The following RPS6KA3 variants were observed in gnomAD, a reference collection of about 807,000 sequenced individuals.
RPS6KA3 encodes the protein ribosomal protein S6 kinase A3, also known as ribosomal protein S6 kinase alpha-3.
RPS6KA3 carries 4 observed loss-of-function variants against 67.2 expected under a neutral mutation model. The observed-to-expected ratio is 0.06, with a 90% CI of 0.03 to 0.14. The LOEUF (loss-of-function observed/expected upper bound fraction) is 0.14. RPS6KA3 is among the 10% of genes least tolerant of loss of function. The pLI is 1.00. For missense variants in RPS6KA3, 204 were observed against 559.0 expected (o/e 0.36, Z 6.40); for synonymous variants, 182 against 183.7 (o/e 0.99, Z 0.07).
intron 17 of RPS6KA3, among the ~76,000 whole-genome samples, chrX:20,165,473 G>C (rs1364822419): frequency 2.7e-5 from 3 of 111,474 alleles, no homozygotes; most frequent in Non-Finnish European, 3.8e-5. Flanking sequence ...ACAGTTCTGG[G>C]GGAAGCAGAG....
Position 20,205,482 on chromosome X carries a change from A to G in RPS6KA3, c.244-1379T>C, listed in dbSNP as rs193220702. On this transcript the variant is annotated intron_variant, in intron 3 of 21. Coordinates refer to ENST00000379565, the MANE Select transcript of RPS6KA3 (RefSeq NM_004586.3). The stretch of plus-strand genomic sequence containing the variant: ...TCACTTTGAGAAATTGTGCCAAGTC[A>G]ATGGGCAAGATCCCAAATCAAGTGA... Among the ~76,000 whole-genome samples the G allele has an allele frequency of 2.5e-3, 277 of 112,601 alleles. 2 individuals carry two copies. Among genetic ancestry groups the G allele is most frequent in the African/African-American group, 8.5e-3 (262 of 30,988 alleles).
chrX:20,236,521 T>C (rs1015423810), intron 1 of RPS6KA3, among the ~76,000 whole-genome samples: 1 of 110,164 alleles, frequency 9.1e-6, no homozygotes, highest in Non-Finnish European at 1.9e-5. Flanking sequence ...TTACCATCCA[T>C]CCATTCATTC....
intron 17 of RPS6KA3, among the ~76,000 whole-genome samples, chrX:20,166,612 T>G (rs998555958): frequency 9.0e-6 from 1 of 110,613 alleles, no homozygotes. Context: ...TAAAAAATTG[T>G]TTATTTTCCC....
chrX:20,217,809 A>G (rs1311764471), intron 2 of RPS6KA3, among the ~76,000 whole-genome samples: 1 of 112,282 alleles, frequency 8.9e-6, no homozygotes, highest in Non-Finnish European at 1.9e-5. Context: ...TAGATGATCA[A>G]GATACATAAA....
rs935116919 is a variant in RPS6KA3 at position 20,150,772 on chromosome X, T to C, written c.*4626A>G. 2.7e-5 allele frequency: 3 copies of C among 112,367 alleles called. No individual in the cohort carries two copies. The highest frequency in any genetic ancestry group is 6.5e-5 in the African/African-American group (2 of 30,853). 9.3% of individuals were successfully genotyped at this position (112,367 alleles called of 1,213,427 possible). On this transcript the variant is annotated 3_prime_UTR_variant, in exon 22 of 22. Coordinates refer to ENST00000379565, the MANE Select transcript of RPS6KA3 (RefSeq NM_004586.3). ...ACGTTTACATATACTCTACTCATGG[T>C]ATGTGCTCTAAGGAGGTTTTATTGA...
At position 20,172,831 on chromosome X, in the gene RPS6KA3, T is replaced by C; in HGVS notation, c.1268A>G (p.Glu423Gly). 1 of 1,197,434 alleles carries C rather than the reference T, an allele frequency of 8.4e-7. No homozygotes were observed. The highest frequency in any genetic ancestry group is 1.8e-5 in the South Asian group (1 of 56,577). Residue 423 changes from glutamate to glycine, a missense_variant, in exon 15 of 22, where the codon GAA becomes GGA. Coordinates refer to ENST00000379565, the MANE Select transcript of RPS6KA3 (RefSeq NM_004586.3). ...RNSIQFTDGY[E>G]VKEDIGVGSY... ...GCCAACTCCAATATCTTCTTTTACT[T>C]CATATCCATCAGTAAACTGAATACT... is the stretch of plus-strand genomic sequence containing the variant.
chrX:20,232,359 G>C (rs1461540463), intron 2 of RPS6KA3, among the ~76,000 whole-genome samples: 2 of 112,097 alleles, frequency 1.8e-5, no homozygotes, highest in Non-Finnish European at 3.8e-5. Flanking sequence ...CAGATCACAA[G>C]ATCAGGAGTT....
intron 1 of RPS6KA3, among the ~76,000 whole-genome samples, chrX:20,236,919 C>T (rs1259421427): frequency 9.0e-6 from 1 of 111,656 alleles, no homozygotes; most frequent in Non-Finnish European, 1.9e-5. Context: ...CTCCTAACAA[C>T]TGCGGCTCTG....
rs1268968015 is a variant in RPS6KA3 at position 20,156,286 on chromosome X, G to GT, written c.1960-38dup. The stretch of plus-strand genomic sequence containing the variant: ...ATAATAAAACAAGCTTAAACCTTTT[G>GT]TTTTGCTTCTTTTTCTATGGCTCTT... On this transcript the variant is annotated intron_variant, in intron 20 of 21. Transcript: ENST00000379565. 3.4e-6 allele frequency: 4 copies of GT among 1,187,421 alleles called. No homozygotes were observed. In the South Asian group the frequency reaches 7.1e-5, roughly 21 times the overall value.
At chrX:20,192,728 G>A (rs1364747011) in intron 7 of RPS6KA3, among the ~76,000 whole-genome samples, 1 of 105,702 alleles carries the variant, frequency 9.5e-6, no homozygotes, top group African/African-American at 3.5e-5. Flanking sequence ...AGCCTCCTGA[G>A]TAGTCGGGAC....
At chrX:20,192,736 G>T (rs940510099) in intron 7 of RPS6KA3, among the ~76,000 whole-genome samples, 1 of 107,540 alleles carries the variant, frequency 9.3e-6, no homozygotes, top group Non-Finnish European at 1.9e-5. Flanking sequence ...GAGTAGTCGG[G>T]ACTACAGGCA....
chrX:20,248,781 C>T (rs1487521638), intron 1 of RPS6KA3, among the ~76,000 whole-genome samples: 1 of 112,400 alleles, frequency 8.9e-6, no homozygotes, highest in African/African-American at 3.2e-5. Context: ...GTGGTAACAT[C>T]TTATATCACT....
At chrX:20,256,172 C>CAAAAAAAAAAAAAAAAAAA (rs35947983) in intron 1 of RPS6KA3, among the ~76,000 whole-genome samples, 1 of 14,465 alleles carries the variant, frequency 6.9e-5, no homozygotes, top group African/African-American at 2.3e-4. Flanking sequence ...GACACCGTCT[C>CAAAAAAAAAAAAAAAAAAA]AAAAAAAAAA....
intron 2 of RPS6KA3, among the ~76,000 whole-genome samples, chrX:20,223,153 T>C (rs1054734371): frequency 8.9e-6 from 1 of 111,980 alleles, no homozygotes; most frequent in Non-Finnish European, 1.9e-5. Flanking sequence ...ATTGTTTTAG[T>C]ATAATTCTAT....
chrX:20,266,607 G>T lies in RPS6KA3; in HGVS notation c.26C>A (p.Pro9Gln). The T allele has an allele frequency of 1.7e-6, 2 of 1,148,483 alleles. No homozygotes were observed. The highest frequency in any genetic ancestry group is 2.3e-6 in the Non-Finnish European group (2 of 866,982). The allele number at this position is 1,148,483 out of a possible 1,213,427, so 94.6% of individuals were successfully genotyped here. Reference protein sequence around the residue: MPLAQLADPWQKMAVESPS... With the variant: MPLAQLADQWQKMAVESPS... ...GCTCTCCACAGCCATCTTCTGCCACGGGTCCGCCAGCTGCGCCAGCGGCAT... is the reference window on the plus strand; with the variant it reads ...GCTCTCCACAGCCATCTTCTGCCACTGGTCCGCCAGCTGCGCCAGCGGCAT... The change falls in exon 1 of 22, where the codon CCG (proline) becomes CAG (glutamine). Residue 9 changes from proline (P) to glutamine (Q), a missense_variant. Physicochemically the swap from Pro to Gln is moderately conservative, Grantham distance 76. This residue lies in a region of RPS6KA3 where 31 missense variants were observed against 42.5 expected (regional missense o/e 0.73). Coordinates refer to ENST00000379565, the MANE Select transcript of RPS6KA3 (RefSeq NM_004586.3).
intron 18 of RPS6KA3, among the ~76,000 whole-genome samples, chrX:20,164,265 T>C (rs2067377331): frequency 9.0e-6 from 1 of 111,378 alleles, no homozygotes; most frequent in South Asian, 3.8e-4. Flanking sequence ...GGCCTGCTTA[T>C]ATTGGACCTA....
intron 1 of RPS6KA3, among the ~76,000 whole-genome samples, chrX:20,236,407 C>A (rs1044564840): frequency 1.1e-4 from 12 of 111,651 alleles, no homozygotes; most frequent in Non-Finnish European, 1.7e-4. Context: ...ATCTTTGGAA[C>A]ATTATCACCT....
At chrX:20,174,480 C>T (rs1029816020) in intron 14 of RPS6KA3, among the ~76,000 whole-genome samples, 4 of 107,793 alleles carry the variant, frequency 3.7e-5, no homozygotes, top group African/African-American at 1.4e-4. Context: ...TCCTAAGTAG[C>T]TGGGATTACA....
intron 4 of RPS6KA3, chrX:20,203,303 C>T (rs1472550033): frequency 9.9e-6 from 1 of 101,314 alleles, no homozygotes; most frequent in East Asian, 2.9e-4. Context: ...ACTCTTGTTG[C>T]CCAGGCTGGA....
Sources: gnomAD v4.1 joint callset for allele counts (sites outside exome capture counted in the v4.1 genomes callset) on GRCh38, gnomAD v4.1.1 for gene constraint, gnomAD v4.1.1 regional missense constraint, MANE v1.5 for transcripts, NCBI Gene and HGNC (gene_info 2026-07-23, HGNC 2026-07-21) for gene names.